Variants in SYNPO2 observed in about 807,000 individuals in gnomAD.
SYNPO2 encodes the protein synaptopodin-2.
SYNPO2 carries 56 observed loss-of-function variants against 85.0 expected under a neutral mutation model. The ratio of observed to expected loss-of-function variants is 0.66; its 90% CI spans 0.53 to 0.82. The LOEUF (loss-of-function observed/expected upper bound fraction) is 0.82. Among genes scored for constraint, SYNPO2 ranks in the 40% least tolerant of loss-of-function variants. SYNPO2 has a pLI of 0.00. For missense variants in SYNPO2, 1,575 were observed against 1,534.2 expected (o/e 1.03, Z -0.44); for synonymous variants, 602 against 591.1 (o/e 1.02, Z -0.27).
At chr4:118,943,106 CAA>C (rs1321117002) in intron 1 of SYNPO2, among the ~76,000 whole-genome samples, 6 of 108,056 alleles carry the variant, frequency 5.6e-5, no homozygotes, top group Non-Finnish European at 6.1e-5. Flanking sequence ...GACTCCATCT[CAA>C]AAAAAAAAAA....
At position 119,030,868 on chromosome 4, in the gene SYNPO2, C is replaced by T. The variant is rs566614874; in HGVS notation, c.2093C>T (p.Thr698Ile). Residue 698 changes from threonine to isoleucine, a missense_variant, in exon 4 of 5, where the codon ACT (threonine) becomes ATT (isoleucine). Physicochemically the swap from Thr to Ile is moderately conservative, Grantham distance 89. Transcript: ENST00000307142. ...KRRSTTKPMF[T>I]FKEPKVSPNP... is the part of the protein sequence containing the mutation. ...AGAAGCACGACAAAACCCATGTTTA[C>T]TTTTAAAGAGCCCAAAGTAAGCCCA... 1.9e-6 allele frequency: 3 copies of T among 1,614,186 alleles called. No homozygotes were observed. The highest frequency in any genetic ancestry group is 2.2e-5 in the East Asian group (1 of 44,880).
intron 1 of SYNPO2, among the ~76,000 whole-genome samples, chr4:118,987,243 T>A (rs774062835): frequency 3.4e-4 from 52 of 152,338 alleles, no homozygotes; most frequent in Middle Eastern, 6.8e-3. Flanking sequence ...ATTTATTTTA[T>A]CTCATAACAT....
intron 1 of SYNPO2, among the ~76,000 whole-genome samples, chr4:118,879,553 C>T (rs557447661): frequency 1.3e-5 from 2 of 152,310 alleles, no homozygotes; most frequent in African/African-American, 2.4e-5. Context: ...AGAGGGCACT[C>T]AGCAGACAGT....
intron 1 of SYNPO2, among the ~76,000 whole-genome samples, chr4:118,912,493 T>A (rs978125935): frequency 1.2e-5 from 1 of 85,686 alleles, no homozygotes; most frequent in African/African-American, 3.9e-5. Flanking sequence ...AAGGAAAAAA[T>A]TGTTTAAAAA....
chr4:118,958,987 C>T (rs922335102), intron 1 of SYNPO2, among the ~76,000 whole-genome samples: 1 of 152,118 alleles, frequency 6.6e-6, no homozygotes, highest in Non-Finnish European at 1.5e-5. Context: ...CATGGTAAGA[C>T]AGATGACATT....
intron 4 of SYNPO2, among the ~76,000 whole-genome samples, chr4:119,055,369 G>C (rs546227614): frequency 1.1e-4 from 16 of 152,220 alleles, no homozygotes; most frequent in African/African-American, 3.6e-4. Context: ...TGGCCAGGCT[G>C]GTCTTGAACT....
At chr4:119,027,556 T>A in intron 3 of SYNPO2, 118 bp downstream of exon 3, 1 of 999,542 alleles carries the variant, frequency 1.0e-6, no homozygotes, top group Non-Finnish European at 1.4e-6. Context: ...CTTAAAGAAA[T>A]ATTTAATTAA....
intron 1 of SYNPO2, among the ~76,000 whole-genome samples, chr4:118,976,996 T>A (rs1014421906): frequency 1.3e-5 from 2 of 152,208 alleles, no homozygotes; most frequent in Non-Finnish European, 2.9e-5. Context: ...ACCTAGAGGA[T>A]CCCGCACCGG....
Position 119,034,405 on chromosome 4 carries a change from C to A in SYNPO2, c.3252+2378C>A, listed in dbSNP as rs989790070. 1.2e-5 allele frequency: 12 copies of A among 981,664 alleles called. No homozygotes were observed. In the African/African-American group the frequency reaches 1.9e-4, roughly 16 times the overall value. 60.8% of individuals were successfully genotyped at this position (981,664 alleles called of 1,614,324 possible). The stretch of plus-strand genomic sequence containing the variant: ...GCAGGAATGAGAAGTGTTTTCTTTC[C>A]ATTTCCTGTTGGACAGGTGGCAATC... On this transcript the variant is annotated intron_variant, in intron 4 of 4. Coordinates refer to ENST00000307142, the MANE Select transcript of SYNPO2 (RefSeq NM_133477.3).
At chr4:118,990,841 C>G (rs1176693607) in intron 1 of SYNPO2, among the ~76,000 whole-genome samples, 1 of 152,076 alleles carries the variant, frequency 6.6e-6, no homozygotes, top group East Asian at 1.9e-4. Context: ...TTTTCCTGAC[C>G]TCAAGTTATC....
In SYNPO2 at chr4:119,026,854, C is replaced by T; in HGVS notation, c.485C>T (p.Pro162Leu). The T allele has an allele frequency of 6.2e-7, 1 of 1,614,022 alleles. No individual in the cohort carries two copies. Among genetic ancestry groups the T allele is most frequent in the South Asian group, 1.1e-5 (1 of 91,072 alleles). The change falls in exon 3 of 5, where the codon CCG (proline) becomes CTG (leucine). Residue 162 changes from proline (P) to leucine (L), a missense_variant. This residue lies in a region of SYNPO2 where 1,508 missense variants were observed against 1,446.8 expected (regional missense o/e 1.04). Coordinates refer to ENST00000307142, the MANE Select transcript of SYNPO2 (RefSeq NM_133477.3). The stretch of plus-strand genomic sequence containing the variant: ...GGCAGCTTGAAAGAAGAAACAGGCC[C>T]GAGCTACCAAAGGGCTCCCCAAATG... Reference protein sequence around the residue: ...CAGSLKEETGPSYQRAPQMPD... With the variant: ...CAGSLKEETGLSYQRAPQMPD...
intron 1 of SYNPO2, among the ~76,000 whole-genome samples, chr4:118,970,711 C>T (rs1735509433): frequency 6.6e-6 from 1 of 152,208 alleles, no homozygotes; most frequent in African/African-American, 2.4e-5. Context: ...GCTACAAACA[C>T]TCTAGAACCA....
chr4:119,043,962 A>C (rs1738800671), intron 4 of SYNPO2: 1 of 134,224 alleles, frequency 7.5e-6, no homozygotes, highest in South Asian at 2.4e-4. Context: ...AAAAAAAAAA[A>C]AAGCTATGCA....
At chr4:118,933,614 T>A (rs1733999685) in intron 1 of SYNPO2, among the ~76,000 whole-genome samples, 1 of 152,214 alleles carries the variant, frequency 6.6e-6, no homozygotes, top group South Asian at 2.1e-4. Flanking sequence ...CTTATTAATA[T>A]GTGTCAAAAC....
At chr4:118,858,037 C>CTTGA (rs1414458710) in intron 1 of SYNPO2, among the ~76,000 whole-genome samples, 1 of 152,206 alleles carries the variant, frequency 6.6e-6, no homozygotes, top group Non-Finnish European at 1.5e-5. Context: ...AGGGTCCATT[C>CTTGA]TTGATTCTAC....
chr4:118,994,556 T>C (rs1224356360), intron 1 of SYNPO2, among the ~76,000 whole-genome samples: 1 of 152,188 alleles, frequency 6.6e-6, no homozygotes, highest in Non-Finnish European at 1.5e-5. Flanking sequence ...AACTGGGGAA[T>C]CGCTGAGTTT....
At chr4:119,033,844 G>A (rs1268489159) in intron 4 of SYNPO2, 1 of 984,594 alleles carries the variant, frequency 1.0e-6, no homozygotes, top group Non-Finnish European at 1.2e-6. Context: ...ATTGTTGTTA[G>A]CATATCTATT....
At chr4:119,046,533 T>C (rs900894813) in intron 4 of SYNPO2, among the ~76,000 whole-genome samples, 9 of 152,234 alleles carry the variant, frequency 5.9e-5, no homozygotes, top group Non-Finnish European at 1.2e-4. Context: ...AGCCTGCCTA[T>C]GCAGTTGCCT....
chr4:118,876,367 T>C (rs1267172408), intron 1 of SYNPO2, among the ~76,000 whole-genome samples: 2 of 152,202 alleles, frequency 1.3e-5, no homozygotes, highest in Non-Finnish European at 2.9e-5. Flanking sequence ...GGGTTTTTGA[T>C]CACCTTATGT....
Sources: allele counts gnomAD v4.1 joint callset (sites outside exome capture counted in the v4.1 genomes callset), GRCh38; gene constraint gnomAD v4.1.1; regional missense constraint gnomAD v4.1.1; transcripts MANE v1.5; gene names NCBI Gene and HGNC (gene_info 2026-07-23, HGNC 2026-07-21).